The following USP4 variants were observed in gnomAD, a reference collection of about 807,000 sequenced individuals.
USP4 encodes the protein ubiquitin carboxyl-terminal hydrolase 4.
USP4 carries 72 observed loss-of-function variants against 118.2 expected under a neutral mutation model. The observed-to-expected ratio is 0.61, with a 90% CI of 0.50 to 0.74. The LOEUF (loss-of-function observed/expected upper bound fraction) is 0.74, where lower values mean the gene tolerates loss of function less well. Ranked by LOEUF, USP4 falls within the 30% of genes least tolerant of loss-of-function variation. The probability of loss-of-function intolerance (pLI) is 0.00; values close to 1 mark genes in which losing one functional copy is unlikely to be tolerated. For synonymous variants in USP4, 415 were observed against 440.4 expected (o/e 0.94, Z 0.72); for missense variants, 1,037 against 1,185.7 (o/e 0.87, Z 1.84).
chr3:49,324,872 G>A (rs1414064209), intron 5 of USP4, 22 bp downstream of exon 5: 3 of 1,614,054 alleles, frequency 1.9e-6, no homozygotes, highest in Non-Finnish European at 2.5e-6. Context: ...TACCTGCTGG[G>A]GAATGGCCAG....
Position 49,278,309 on chromosome 3 carries a change from C to G in USP4, c.2876G>C (p.Ser959Thr), listed in dbSNP as rs2046983171. The change falls in exon 22 of 22, where the codon AGC (serine) becomes ACC (threonine). Residue 959 changes from serine to threonine, a missense_variant. Around this residue, in one of 3 missense-constraint regions of USP4, gnomAD observed 522 missense variants for 592.6 expected, o/e 0.88. Transcript: ENST00000265560. ...QQGFGDDEAC[S>T]MDTN ...GAGTCAGCATTAGTTGGTGTCCATG[C>G]TGCAAGCCTCATCATCCCCAAAGCC... 1 of 1,613,802 alleles carries G rather than the reference C, an allele frequency of 6.2e-7. No homozygotes were observed.
At chr3:49,306,210 G>GT (rs57775959) in intron 8 of USP4, among the ~76,000 whole-genome samples, 4,534 of 137,222 alleles carry the variant, frequency 0.033, 192 homozygotes, top group African/African-American at 0.097. Context: ...GTTTTTTTTT[G>GT]TTTTTTTTTT....
rs186798965 is a variant in USP4, at chr3:49,293,127, C to T, written c.1884-529G>A. ...GCATGGTGGCTCACACCTGTAATGC[C>T]GGCACTTTGGGAGGCCGAGGTGGGC... On this transcript the variant is annotated intron_variant, in intron 14 of 21. Transcript: ENST00000265560. Among the ~76,000 whole-genome samples the T allele has an allele frequency of 3.6e-3, 538 of 151,232 alleles. 2 individuals carry two copies. Among genetic ancestry groups the T allele is most frequent in the Non-Finnish European group, 5.9e-3 (401 of 67,810 alleles).
intron 8 of USP4, among the ~76,000 whole-genome samples, chr3:49,308,342 CAG>C (rs2107785663): frequency 6.6e-6 from 1 of 152,130 alleles, no homozygotes; most frequent in East Asian, 1.9e-4. Context: ...TTTTTTGAGA[CAG>C]AGTCTCACAC....
intron 14 of USP4, chr3:49,293,648 G>A (rs2047174349): frequency 6.6e-6 from 1 of 151,836 alleles, no homozygotes; most frequent in Admixed American, 6.6e-5. Flanking sequence ...TCCAGCCTGG[G>A]CGAGAGAGCA....
intron 2 of USP4, among the ~76,000 whole-genome samples, chr3:49,334,797 G>C (rs892426779): frequency 6.6e-6 from 1 of 152,088 alleles, no homozygotes; most frequent in Non-Finnish European, 1.5e-5. Context: ...GATTACAGGC[G>C]TGAGACACCA....
chr3:49,304,731 G>C (rs2047294695), intron 9 of USP4, among the ~76,000 whole-genome samples: 1 of 152,072 alleles, frequency 6.6e-6, no homozygotes, highest in Non-Finnish European at 1.5e-5. Flanking sequence ...CGGGACTACA[G>C]GTACATCACC....
At chr3:49,291,640 A>AT (rs2047152609) in intron 15 of USP4, among the ~76,000 whole-genome samples, 1 of 151,832 alleles carries the variant, frequency 6.6e-6, no homozygotes, top group Non-Finnish European at 1.5e-5. Flanking sequence ...CTTGAAAGAC[A>AT]TATATGGTTT....
intron 8 of USP4, among the ~76,000 whole-genome samples, chr3:49,308,415 G>A (rs1400098750): frequency 1.3e-5 from 2 of 152,090 alleles, no homozygotes; most frequent in African/African-American, 4.8e-5. Flanking sequence ...CGCCTCCCGG[G>A]ATCAAGAGAT....
At chr3:49,281,798 G>T (rs2047033515) in intron 19 of USP4, among the ~76,000 whole-genome samples, 1 of 151,126 alleles carries the variant, frequency 6.6e-6, no homozygotes. Flanking sequence ...GGATCATGAG[G>T]TCAGGAGTTT....
At chr3:49,319,145 A>G (rs868730306) in intron 6 of USP4, among the ~76,000 whole-genome samples, 4,415 of 151,346 alleles carry the variant, frequency 0.029, 104 homozygotes, top group Non-Finnish European at 0.042. Context: ...GCATCTCAAA[A>G]AAAAAAAAAA....
intron 16 of USP4, among the ~76,000 whole-genome samples, chr3:49,285,803 G>A (rs1018889158): frequency 2.6e-5 from 4 of 152,222 alleles, no homozygotes; most frequent in African/African-American, 9.6e-5. Flanking sequence ...ATGGGGAAAT[G>A]TTGCTGCCAA....
At chr3:49,287,495 T>C (rs918206118) in intron 15 of USP4, among the ~76,000 whole-genome samples, 3 of 151,560 alleles carry the variant, frequency 2.0e-5, no homozygotes, top group Non-Finnish European at 4.4e-5. Context: ...TTTTTTGAAG[T>C]GGAGTCTCAC....
chr3:49,318,210 C>T (rs2047461202), intron 6 of USP4: 1 of 536,826 alleles, frequency 1.9e-6, no homozygotes, highest in Non-Finnish European at 2.4e-6. Context: ...CTCAAGCAAT[C>T]TTCCCACATC....
chr3:49,321,769 G>A (rs1033695663), intron 6 of USP4, among the ~76,000 whole-genome samples: 7 of 151,954 alleles, frequency 4.6e-5, no homozygotes, highest in Non-Finnish European at 1.5e-5. Flanking sequence ...CGAGGCAGGC[G>A]GATCACTTGA....
rs11309567 is a variant in USP4 at position 49,278,142 on chromosome 3, C to CTTTT, written c.*147_*150dup. ...TAGCTTCTTCTAGGTAAACGGTCTT[C>CTTTT]TTTTTTTTTTTTTGTTTCCTTCTGC... On this transcript the variant is annotated 3_prime_UTR_variant, in exon 22 of 22. Coordinates refer to ENST00000265560, the MANE Select transcript of USP4 (RefSeq NM_003363.4). 3 of 673,560 alleles carry CTTTT rather than the reference C, an allele frequency of 4.5e-6. No individual in the cohort carries two copies. Among genetic ancestry groups the CTTTT allele is most frequent in the Non-Finnish European group, 6.6e-6 (3 of 457,870 alleles). The allele number at this position is 673,560 out of a possible 1,614,324, so 41.7% of individuals were successfully genotyped here.
intron 15 of USP4, among the ~76,000 whole-genome samples, chr3:49,291,035 C>T: frequency 6.6e-6 from 1 of 151,968 alleles, no homozygotes; most frequent in East Asian, 2.0e-4. Context: ...GTGGCGTGAT[C>T]TTGGCTCACT....
intron 14 of USP4, among the ~76,000 whole-genome samples, chr3:49,292,877 A>C (rs779170249): frequency 3.3e-4 from 50 of 151,712 alleles, no homozygotes; most frequent in Non-Finnish European, 6.5e-4. Context: ...TAAAACTAAA[A>C]AAATTAGCTG....
In USP4 at chr3:49,284,057, G is replaced by A; in HGVS notation, c.2470C>T (p.His824Tyr). ...CTGTTGTAGGAGAAACGTTTGAGGTGGACCACCAGGATCTTGGGCAAGGAC... is the reference window on the plus strand; with the variant it reads ...CTGTTGTAGGAGAAACGTTTGAGGTAGACCACCAGGATCTTGGGCAAGGAC... The part of the protein sequence containing the change: ...LWSLPKILVV[H>Y]LKRFSYNRYW... Residue 824 changes from histidine (H) to tyrosine (Y), a missense_variant, in exon 19 of 22, where the codon CAC becomes TAC. Physicochemically the swap from His to Tyr is moderately conservative, Grantham distance 83. Transcript: ENST00000265560. 1.9e-6 allele frequency: 3 copies of A among 1,614,234 alleles called. No individual in the cohort carries two copies. Among genetic ancestry groups the A allele is most frequent in the Non-Finnish European group, 2.5e-6 (3 of 1,180,044 alleles).
Sources: allele counts gnomAD v4.1 joint callset (sites outside exome capture counted in the v4.1 genomes callset), GRCh38; gene constraint gnomAD v4.1.1; regional missense constraint gnomAD v4.1.1; transcripts MANE v1.5; gene names NCBI Gene and HGNC (gene_info 2026-07-23, HGNC 2026-07-21).